Variants in OGFOD3 observed in about 807,000 individuals in gnomAD.
OGFOD3 encodes the protein 2-oxoglutarate and iron-dependent oxygenase domain-containing protein 3.
Under a neutral mutation model 39.8 loss-of-function variants are expected in OGFOD3, and 35 were observed. The ratio of observed to expected loss-of-function variants is 0.88; its 90% CI spans 0.67 to 1.17. The LOEUF is 1.17. Among genes scored for constraint, OGFOD3 ranks in the 50% most tolerant of loss-of-function variants. The pLI is 0.00. For synonymous variants in OGFOD3, 200 were observed against 192.0 expected (o/e 1.04, Z -0.34); for missense variants, 438 against 454.5 (o/e 0.96, Z 0.33).
rs757115981 is a variant in OGFOD3 at position 82,392,561 on chromosome 17, G to A, written c.824-27C>T. On this transcript the variant is annotated intron_variant, in intron 8 of 8. Transcript: ENST00000313056. The surrounding 1 kb of genome is among the most constrained non-coding windows in gnomAD (Gnocchi z 4.2). ...TGGGAGAGGAGAAGAGAGAGAGGTG[G>A]CCATAGAGCCACACCCACGGCCACA... 6.4e-7 allele frequency: 1 copy of A among 1,564,796 alleles called. No homozygotes were observed. The highest frequency in any genetic ancestry group is 1.2e-5 in the South Asian group (1 of 84,834).
intron 8 of OGFOD3, among the ~76,000 whole-genome samples, chr17:82,394,988 A>T (rs1389274128): frequency 6.6e-6 from 1 of 152,188 alleles, no homozygotes; most frequent in Non-Finnish European, 1.5e-5. Flanking sequence ...GTCACTCCTC[A>T]ACCTGCCCCA....
At position 82,404,206 on chromosome 17, in the gene OGFOD3, G is replaced by A; in HGVS notation, c.546-116C>T. The A allele has an allele frequency of 1.6e-6, 2 of 1,220,976 alleles. No homozygotes were observed. Among genetic ancestry groups the A allele is most frequent in the Non-Finnish European group, 2.2e-6 (2 of 903,412 alleles). The allele number at this position is 1,220,976 out of a possible 1,614,324, so 75.6% of individuals were successfully genotyped here. Reference sequence around the variant, plus strand: ...CTTCGTACGGCTCCGGGCCCGCGGGGCGGGGGCTCCCAAGCACACCGGGAA... The same window carrying A: ...CTTCGTACGGCTCCGGGCCCGCGGGACGGGGGCTCCCAAGCACACCGGGAA... On this transcript the variant is annotated intron_variant, in intron 6 of 8. Coordinates refer to ENST00000313056, the MANE Select transcript of OGFOD3 (RefSeq NM_024648.3). The surrounding 1 kb of genome is among the most constrained non-coding windows in gnomAD (Gnocchi z 4.5).
chr17:82,413,711 A>C (rs1385324502), intron 2 of OGFOD3, among the ~76,000 whole-genome samples: 1 of 152,020 alleles, frequency 6.6e-6, no homozygotes, highest in Non-Finnish European at 1.5e-5. Flanking sequence ...TCTCTACTAA[A>C]ATTACAAAAA....
At chr17:82,394,408 T>A in intron 8 of OGFOD3, 1 of 1,610,142 alleles carries the variant, frequency 6.2e-7, no homozygotes, top group Non-Finnish European at 8.5e-7. Flanking sequence ...CAGAATCGCA[T>A]GTGTCTCTCC....
chr17:82,396,163 A>G (rs571066580), intron 8 of OGFOD3, among the ~76,000 whole-genome samples: 1 of 151,936 alleles, frequency 6.6e-6, no homozygotes, highest in African/African-American at 2.4e-5. Context: ...TACGACATCA[A>G]ATCGCAGGTA....
chr17:82,401,078 G>C (rs2143224240), intron 7 of OGFOD3: 1 of 152,236 alleles, frequency 6.6e-6, no homozygotes, highest in South Asian at 2.1e-4. Flanking sequence ...CCGAGAGGGA[G>C]AGAGGAGGAC....
In OGFOD3 at chr17:82,406,914, T is replaced by G. The variant is rs1156998850; in HGVS notation, c.424-432A>C. Reference sequence around the variant, plus strand: ...ACTGCACCCAGCCTCAACCCAGGACTTTCTTAAAATCCTCCCAGACCGGCC... The same window carrying G: ...ACTGCACCCAGCCTCAACCCAGGACGTTCTTAAAATCCTCCCAGACCGGCC... On this transcript the variant is annotated intron_variant, in intron 4 of 8. Coordinates refer to ENST00000313056, the MANE Select transcript of OGFOD3 (RefSeq NM_024648.3). This position sits in a 1 kb window ranked among gnomAD's most constrained non-coding sequence, Gnocchi z 5.2. 6.6e-6 allele frequency among the ~76,000 whole-genome samples: 1 copy of G among 152,126 alleles called. No homozygotes were observed. Among genetic ancestry groups the G allele is most frequent in the Non-Finnish European group, 1.5e-5 (1 of 68,028 alleles).
chr17:82,401,822 A>AAAAAAAAAAAAC (rs2052771225), intron 7 of OGFOD3, among the ~76,000 whole-genome samples: 1 of 144,810 alleles, frequency 6.9e-6, no homozygotes, highest in South Asian at 2.4e-4. Flanking sequence ...AAAAAAAAAA[A>AAAAAAAAAAAAC]ACAAAGACTG....
Position 82,415,375 on chromosome 17 carries a change from A to G in OGFOD3, c.304+23T>C, listed in dbSNP as rs2143298070. The G allele has an allele frequency of 6.2e-7, 1 of 1,600,530 alleles. No individual in the cohort carries two copies. The highest frequency in any genetic ancestry group is 1.7e-4 in the Middle Eastern group (1 of 6,016). On this transcript the variant is annotated intron_variant, in intron 2 of 8. Coordinates refer to ENST00000313056, the MANE Select transcript of OGFOD3 (RefSeq NM_024648.3). This position sits in a 1 kb window ranked among gnomAD's most constrained non-coding sequence, Gnocchi z 5.3. Reference sequence around the variant, plus strand: ...CTTTAACCACACTGAGTCTCATTTTAAAGTGTTGCTTTCCTGAACTACCTT... The same window carrying G: ...CTTTAACCACACTGAGTCTCATTTTGAAGTGTTGCTTTCCTGAACTACCTT...
chr17:82,403,762 C>G, intron 7 of OGFOD3, 175 bp downstream of exon 7: 1 of 829,692 alleles, frequency 1.2e-6, no homozygotes, highest in Non-Finnish European at 1.9e-6. Flanking sequence ...TCCACATGCG[C>G]GCTCACCCTG....
rs994770764 is a variant in OGFOD3 at position 82,392,324 on chromosome 17, G to C, written c.*74C>G. ...CTCTGTGCAACAGGAGCGGGTGGAC[G>C]TGGGGGTGGGTGCACGACTGGCGCG... On this transcript the variant is annotated 3_prime_UTR_variant, in exon 9 of 9. Coordinates refer to ENST00000313056, the MANE Select transcript of OGFOD3 (RefSeq NM_024648.3). This position sits in a 1 kb window ranked among gnomAD's most constrained non-coding sequence, Gnocchi z 4.2. 1.3e-6 allele frequency: 2 copies of C among 1,514,332 alleles called. No individual in the cohort carries two copies. Among genetic ancestry groups the C allele is most frequent in the East Asian group, 4.8e-5 (2 of 42,044 alleles). 93.8% of individuals were successfully genotyped at this position (1,514,332 alleles called of 1,614,324 possible).
chr17:82,398,308 G>T lies in OGFOD3; in HGVS notation c.711C>A (p.Gly237=). 4 of 1,614,168 alleles carry T rather than the reference G, an allele frequency of 2.5e-6. No individual in the cohort carries two copies. Among genetic ancestry groups the T allele is most frequent in the Non-Finnish European group, 3.4e-6 (4 of 1,180,004 alleles). ...WHAHVDKVTY[G]SFDYTSLLYL... ...ACAGCAGCGAGGTGTAGTCGAAGGA[G>T]CCGTAGGTCACCTGAGGGCAGAGCC... The change falls in exon 8 of 9, where the codon GGC becomes GGA. Residue 237 remains glycine (G), a synonymous_variant. Coordinates refer to ENST00000313056, the MANE Select transcript of OGFOD3 (RefSeq NM_024648.3).
At chr17:82,416,185 A>G (rs2053031480) in intron 1 of OGFOD3, among the ~76,000 whole-genome samples, 2 of 152,234 alleles carry the variant, frequency 1.3e-5, no homozygotes, top group African/African-American at 4.8e-5. Context: ...GCAGTGACCC[A>G]AGATTGTGCC....
At chr17:82,411,326 C>T (rs886129749) in intron 3 of OGFOD3, 129 bp downstream of exon 3, 10 of 789,650 alleles carry the variant, frequency 1.3e-5, no homozygotes, top group African/African-American at 8.6e-5. Flanking sequence ...GGATTACAGG[C>T]GTGAGCCACC....
At chr17:82,418,325 C>T in intron 1 of OGFOD3, 87 bp downstream of exon 1, 1 of 310,916 alleles carries the variant, frequency 3.2e-6, no homozygotes, top group Non-Finnish European at 5.5e-6. Flanking sequence ...CGGGTCGGGC[C>T]AGGCCCCGCC....
chr17:82,397,892 G>C (rs981428977), intron 8 of OGFOD3, among the ~76,000 whole-genome samples: 1 of 152,104 alleles, frequency 6.6e-6, no homozygotes, highest in African/African-American at 2.4e-5. Context: ...GAGGGAGGGA[G>C]ACCCTGACCG....
intron 8 of OGFOD3, among the ~76,000 whole-genome samples, chr17:82,395,785 C>T (rs897328762): frequency 1.3e-5 from 2 of 152,192 alleles, no homozygotes; most frequent in African/African-American, 4.8e-5. Flanking sequence ...CGCACCACTG[C>T]ACTCCAGCCT....
In OGFOD3 at chr17:82,392,518, G is replaced by A; in HGVS notation, c.840C>T (p.Phe280=). The change falls in exon 9 of 9, where the codon TTC becomes TTT. Residue 280 remains phenylalanine (F), a synonymous_variant. Coordinates refer to ENST00000313056, the MANE Select transcript of OGFOD3 (RefSeq NM_024648.3). This position sits in a 1 kb window ranked among gnomAD's most constrained non-coding sequence, Gnocchi z 4.2. Reference sequence around the variant, plus strand: ...GGTGTAGGTTCTCGGACCCCGAGGTGAAGAAGGAGACGCGACCTGGGAGAG... The same window carrying A: ...GGTGTAGGTTCTCGGACCCCGAGGTAAAGAAGGAGACGCGACCTGGGAGAG... ...VEPRAGRVSF[F]TSGSENLHRV... The A allele has an allele frequency of 1.3e-6, 2 of 1,593,948 alleles. No individual in the cohort carries two copies. The highest frequency in any genetic ancestry group is 1.3e-5 in the African/African-American group (1 of 74,364).
intron 2 of OGFOD3, among the ~76,000 whole-genome samples, chr17:82,412,905 C>T (rs1054354311): frequency 4.6e-5 from 7 of 152,162 alleles, no homozygotes; most frequent in Non-Finnish European, 8.8e-5. Flanking sequence ...GCATCCCTCC[C>T]GGGACCATGG....
Sources: gnomAD v4.1 joint callset for allele counts (sites outside exome capture counted in the v4.1 genomes callset) on GRCh38, gnomAD v4.1.1 for gene constraint, Gnocchi (gnomAD v3.1) non-coding constraint, MANE v1.5 for transcripts, NCBI Gene and HGNC (gene_info 2026-07-23, HGNC 2026-07-21) for gene names.